NFX1: variants seen among roughly 807,000 people sequenced by gnomAD.
The protein encoded by NFX1 is transcriptional repressor NF-X1.
In NFX1, 69 loss-of-function variants were observed where a neutral mutation model predicts 137.2. The observed-to-expected ratio is 0.50, with a 90% CI of 0.41 to 0.61. The LOEUF (loss-of-function observed/expected upper bound fraction) is 0.61. Among genes scored for constraint, NFX1 ranks in the 20% least tolerant of loss-of-function variants. The probability of loss-of-function intolerance (pLI) is 0.00; values close to 1 mark genes in which losing one functional copy is unlikely to be tolerated. For missense variants in NFX1, 1,167 were observed against 1,391.0 expected (o/e 0.84, Z 2.56); for synonymous variants, 495 against 474.1 (o/e 1.04, Z -0.57).
At chr9:33,297,741 A>T (rs1041490782) in intron 2 of NFX1, among the ~76,000 whole-genome samples, 1 of 151,948 alleles carries the variant, frequency 6.6e-6, no homozygotes, top group African/African-American at 2.4e-5. Flanking sequence ...CTGCCACATG[A>T]CTCTGTACAC....
chr9:33,303,699 ACT>A (rs1003788921), intron 4 of NFX1, among the ~76,000 whole-genome samples: 8 of 151,614 alleles, frequency 5.3e-5, no homozygotes, highest in African/African-American at 1.9e-4. Flanking sequence ...AGCATTATAA[ACT>A]CTATCCTGGC....
rs765230296 is a variant in NFX1, at chr9:33,295,431, A to G, written c.1033+4A>G. On this transcript the variant is annotated splice_donor_region_variant and intron_variant, in intron 2 of 23. Transcript: ENST00000379540. ...AAGAATGTGGAAACGCACACAGGTA[A>G]ACCTACCTAGATAGGAAATATTTTG... The G allele has an allele frequency of 4.4e-6, 7 of 1,601,566 alleles. No individual in the cohort carries two copies. The Admixed American group carries it at 1.2e-4, about 27-fold the overall frequency.
chr9:33,364,462 C>T (rs1425464597), intron 20 of NFX1, among the ~76,000 whole-genome samples: 1 of 152,182 alleles, frequency 6.6e-6, no homozygotes, highest in Non-Finnish European at 1.5e-5. Flanking sequence ...GGAGCTATAA[C>T]AGCTCTTATT....
intron 12 of NFX1, among the ~76,000 whole-genome samples, chr9:33,342,128 T>TCACA (rs150408873): frequency 3.8e-4 from 56 of 146,182 alleles, no homozygotes; most frequent in African/African-American, 8.8e-4. Context: ...TCTCTCTCTC[T>TCACA]CACACACACA....
Position 33,324,723 on chromosome 9 carries a change from C to A in NFX1, c.1907-3858C>A, listed in dbSNP as rs565297634. 2.0e-5 allele frequency among the ~76,000 whole-genome samples: 3 copies of A among 151,476 alleles called. No homozygotes were observed. In the East Asian group the frequency reaches 5.8e-4, roughly 29 times the overall value. ...CAGGCGAATCACGAGGTCAGGAGAT[C>A]GAGACCATCCTGGCTAACATGGTGA... On this transcript the variant is annotated intron_variant, in intron 9 of 23. Transcript: ENST00000379540.
Position 33,366,643 on chromosome 9 carries a change from G to C in NFX1, c.3054G>C (p.Lys1018Asn), listed in dbSNP as rs780781378. Residue 1018 changes from lysine to asparagine, a missense_variant, in exon 22 of 24, where the codon AAG (lysine) becomes AAC (asparagine). Lys to Asn is a moderately conservative substitution (Grantham distance 94, BLOSUM62 0). Transcript: ENST00000379540. The stretch of plus-strand genomic sequence containing the variant: ...CCTCAATACAGGGAAAGAATAGTAA[G>C]AAAAGCCACAGCTTCCCTCCCATGA... ...VEAVNKGKNS[K>N]KSHSFPPMNR... The C allele has an allele frequency of 3.1e-6, 5 of 1,613,936 alleles. No homozygotes were observed. The South Asian group carries it at 5.5e-5, about 18-fold the overall frequency.
At chr9:33,337,083 G>T (rs137904960) in intron 11 of NFX1, among the ~76,000 whole-genome samples, 1 of 152,134 alleles carries the variant, frequency 6.6e-6, no homozygotes, top group Non-Finnish European at 1.5e-5. Context: ...CATTATGTTG[G>T]CCAGGCTGGT....
intron 5 of NFX1, among the ~76,000 whole-genome samples, chr9:33,310,155 T>A (rs1313381022): frequency 1.3e-5 from 2 of 152,238 alleles, no homozygotes; most frequent in African/African-American, 2.4e-5. Flanking sequence ...AGAGCTTGTT[T>A]AGGAGTTTCA....
intron 2 of NFX1, among the ~76,000 whole-genome samples, chr9:33,299,770 C>CTAGT (rs1480619838): frequency 6.6e-6 from 1 of 152,136 alleles, no homozygotes; most frequent in Admixed American, 6.5e-5. Context: ...AATGGAGCAC[C>CTAGT]TAGTATATGC....
At chr9:33,303,398 T>C in intron 4 of NFX1, 130 bp downstream of exon 4, 1 of 723,560 alleles carries the variant, frequency 1.4e-6, no homozygotes, top group Non-Finnish European at 2.3e-6. Flanking sequence ...TCTATAAGAC[T>C]GTAATTATGT....
At chr9:33,307,794 C>CTTTTTTTTTTT (rs139468485) in intron 5 of NFX1, among the ~76,000 whole-genome samples, 1 of 85,342 alleles carries the variant, frequency 1.2e-5, no homozygotes, top group Non-Finnish European at 2.4e-5. Context: ...TTCTTTCTTT[C>CTTTTTTTTTTT]TTTTTTTTTT....
chr9:33,295,002 C>G lies in NFX1; in HGVS notation c.608C>G (p.Ala203Gly), dbSNP rs771651293. 2 of 1,614,186 alleles carry G rather than the reference C, an allele frequency of 1.2e-6. No individual in the cohort carries two copies. The highest frequency in any genetic ancestry group is 1.7e-6 in the Non-Finnish European group (2 of 1,180,026). The change falls in exon 2 of 24, where the codon GCT becomes GGT. Residue 203 changes from alanine (A) to glycine (G), a missense_variant. By Grantham distance (60) the Ala-to-Gly change is moderately conservative (BLOSUM62 0). This residue lies in a region of NFX1 where 367 missense variants were observed against 386.7 expected (regional missense o/e 0.95). Coordinates refer to ENST00000379540, the MANE Select transcript of NFX1 (RefSeq NM_002504.6). ...SNRTTPKPED[A>G]GPESTKPVGV... is the part of the protein sequence containing the mutation. The stretch of plus-strand genomic sequence containing the variant: ...CGAACAACTCCAAAACCGGAGGATG[C>G]TGGACCCGAAAGTACCAAACCTGTG...
chr9:33,297,091 A>G (rs904948814), intron 2 of NFX1, among the ~76,000 whole-genome samples: 6 of 152,164 alleles, frequency 3.9e-5, no homozygotes, highest in African/African-American at 1.4e-4. Context: ...GGAGCAGCAT[A>G]GTAACTAGTC....
rs117053842 is a variant in NFX1 at position 33,298,371 on chromosome 9, C to G, written c.1034-2892C>G. ...TGAAGATAGGGGCAGGAAAGGTGGT[C>G]AGAGAAATAGCAAGGGCTGGATCAT... On this transcript the variant is annotated intron_variant, in intron 2 of 23. Coordinates refer to ENST00000379540, the MANE Select transcript of NFX1 (RefSeq NM_002504.6). Among the ~76,000 whole-genome samples, 77 of 152,214 alleles carry G rather than the reference C, an allele frequency of 5.1e-4. No individual in the cohort carries two copies. In the East Asian group the frequency reaches 0.012, roughly 24 times the overall value.
At chr9:33,316,440 A>G (rs1822166380) in intron 7 of NFX1, among the ~76,000 whole-genome samples, 1 of 151,502 alleles carries the variant, frequency 6.6e-6, no homozygotes, top group Non-Finnish European at 1.5e-5. Context: ...TTAGCTCTTG[A>G]TTCATATTGG....
intron 21 of NFX1, 109 bp from the exon 22 acceptor site, chr9:33,366,520 C>G (rs1824173915): frequency 7.2e-7 from 1 of 1,385,188 alleles, no homozygotes. Context: ...CTGTGGGCCT[C>G]TAAAATCACC....
chr9:33,306,382 A>G (rs1026286479), intron 4 of NFX1, among the ~76,000 whole-genome samples: 3 of 152,228 alleles, frequency 2.0e-5, no homozygotes, highest in Non-Finnish European at 4.4e-5. Context: ...ACCCCAAGCA[A>G]GAATGTTCAG....
intron 7 of NFX1, among the ~76,000 whole-genome samples, chr9:33,317,419 C>CAA (rs761378780): frequency 2.8e-4 from 15 of 54,292 alleles, no homozygotes; most frequent in East Asian, 9.8e-4. Flanking sequence ...GCCCTGTCTC[C>CAA]AAAAAAAAAA....
intron 2 of NFX1, among the ~76,000 whole-genome samples, chr9:33,299,479 G>T (rs1821474067): frequency 6.6e-6 from 1 of 152,162 alleles, no homozygotes; most frequent in Non-Finnish European, 1.5e-5. Flanking sequence ...GAGCCCAGGA[G>T]TTCAAGACCA....
Sources: allele counts gnomAD v4.1 joint callset (sites outside exome capture counted in the v4.1 genomes callset), GRCh38; gene constraint gnomAD v4.1.1; regional missense constraint gnomAD v4.1.1; transcripts MANE v1.5; gene names NCBI Gene and HGNC (gene_info 2026-07-23, HGNC 2026-07-21).